The following COG6 variants were observed in gnomAD, a reference collection of about 807,000 sequenced individuals.
The protein encoded by COG6 is conserved oligomeric Golgi complex subunit 6.
In COG6, 74 loss-of-function variants were observed where a neutral mutation model predicts 88.8. That is an observed-to-expected ratio of 0.83 (90% CI 0.69 to 1.01). COG6 has a LOEUF of 1.01. Among genes scored for constraint, COG6 ranks in the 50% least tolerant of loss-of-function variants. COG6 has a pLI of 0.00. For missense variants in COG6, 800 were observed against 797.9 expected (o/e 1.00, Z -0.03); for synonymous variants, 286 against 278.7 (o/e 1.03, Z -0.26).
At chr13:39,717,480 C>T (rs1593447754) in intron 13 of COG6, among the ~76,000 whole-genome samples, 1 of 1,368 alleles carries the variant, frequency 7.3e-4, no homozygotes, top group African/African-American at 8.3e-4. Flanking sequence ...ATGTTCTGTT[C>T]ATTTTTTCAA....
chr13:39,688,527 T>G (rs1467378128), intron 10 of COG6, among the ~76,000 whole-genome samples: 1 of 152,048 alleles, frequency 6.6e-6, no homozygotes, highest in Non-Finnish European at 1.5e-5. Flanking sequence ...CACACACTTT[T>G]AAGCAACGCT....
intron 17 of COG6, among the ~76,000 whole-genome samples, chr13:39,725,674 C>T (rs1879095511): frequency 8.2e-6 from 1 of 122,618 alleles, no homozygotes; most frequent in African/African-American, 2.9e-5. Flanking sequence ...ATAGAAGCAA[C>T]AGTTATAACT....
At chr13:39,670,019 T>C (rs1306357923) in intron 4 of COG6, among the ~76,000 whole-genome samples, 1 of 152,210 alleles carries the variant, frequency 6.6e-6, no homozygotes, top group Non-Finnish European at 1.5e-5. Flanking sequence ...AATAGAAATC[T>C]GTTTCTATAT....
Position 39,655,814 on chromosome 13 carries a change from A to G in COG6, c.88A>G (p.Thr30Ala). 6.2e-7 allele frequency: 1 copy of G among 1,600,864 alleles called. No homozygotes were observed. Among genetic ancestry groups the G allele is most frequent in the Non-Finnish European group, 8.5e-7 (1 of 1,174,456 alleles). ...CAATGGGGCAGGCGGGACCTCGGCG[A>G]CGACCTGCAACCCGCTGTCGCGCAA... is the stretch of plus-strand genomic sequence containing the variant. Reference protein sequence around the residue: ...LNNGAGGTSATTCNPLSRKLH... With the variant: ...LNNGAGGTSAATCNPLSRKLH... Residue 30 changes from threonine to alanine, a missense_variant, in exon 1 of 19, where the codon ACG becomes GCG. Thr to Ala is a moderately conservative substitution (Grantham distance 58). Coordinates refer to ENST00000455146, the MANE Select transcript of COG6 (RefSeq NM_020751.3).
intron 4 of COG6, among the ~76,000 whole-genome samples, chr13:39,675,030 C>T (rs1875882702): frequency 6.6e-6 from 1 of 152,086 alleles, no homozygotes; most frequent in Non-Finnish European, 1.5e-5. Flanking sequence ...TTTGTTAGTA[C>T]ATATAGATCT....
rs139859015 is a variant in COG6 at position 39,749,399 on chromosome 13, T to C, written c.1827-1547T>C. ...CATGAACAACATGTATTTCTGTAAT[T>C]CTAAACAATTTTTTAAGTACATTTT... is the stretch of plus-strand genomic sequence containing the variant. On this transcript the variant is annotated intron_variant, in intron 18 of 18. Coordinates refer to ENST00000455146, the MANE Select transcript of COG6 (RefSeq NM_020751.3). 3.9e-4 allele frequency among the ~76,000 whole-genome samples: 59 copies of C among 152,342 alleles called. 1 individual carries two copies. Among genetic ancestry groups the C allele is most frequent in the African/African-American group, 1.4e-3 (57 of 41,576 alleles).
At position 39,659,346 on chromosome 13, in the gene COG6, C is replaced by A; in HGVS notation, c.154-18C>A. 6.2e-7 allele frequency: 1 copy of A among 1,611,842 alleles called. No individual in the cohort carries two copies. The highest frequency in any genetic ancestry group is 8.5e-7 in the Non-Finnish European group (1 of 1,178,384). ...AAAAATTAGTTCCAGTAACTGTCTT[C>A]TGTTACCAATTGTATAGGAGATGTT... On this transcript the variant is annotated intron_variant, in intron 1 of 18. Coordinates refer to ENST00000455146, the MANE Select transcript of COG6 (RefSeq NM_020751.3).
At chr13:39,725,550 C>T (rs1480803978) in intron 17 of COG6, among the ~76,000 whole-genome samples, 2 of 151,706 alleles carry the variant, frequency 1.3e-5, no homozygotes, top group Non-Finnish European at 3.0e-5. Context: ...CATAAGATAC[C>T]TAACAAATGC....
intron 18 of COG6, among the ~76,000 whole-genome samples, chr13:39,739,657 A>G (rs1879946542): frequency 6.6e-6 from 1 of 152,128 alleles, no homozygotes; most frequent in Admixed American, 6.5e-5. Flanking sequence ...CCATGACACT[A>G]TGTTGGAATA....
intron 13 of COG6, among the ~76,000 whole-genome samples, chr13:39,703,502 C>T (rs1029917004): frequency 3.9e-5 from 6 of 152,232 alleles, no homozygotes; most frequent in Non-Finnish European, 7.4e-5. Flanking sequence ...ATTTTCTCCA[C>T]GTTATCATTT....
At chr13:39,660,179 AT>A (rs1874807244) in intron 2 of COG6, among the ~76,000 whole-genome samples, 2 of 152,024 alleles carry the variant, frequency 1.3e-5, no homozygotes, top group Admixed American at 1.3e-4. Flanking sequence ...TTTGGAAAGG[AT>A]TTTTTTAAAA....
At chr13:39,665,294 AT>A in intron 4 of COG6, 140 bp downstream of exon 4, 1 of 613,638 alleles carries the variant, frequency 1.6e-6, no homozygotes, top group Non-Finnish European at 2.9e-6. Flanking sequence ...ATATTACCCA[AT>A]AGTAACTTAA....
chr13:39,749,069 ACAC>A, intron 18 of COG6, among the ~76,000 whole-genome samples: 1 of 152,300 alleles, frequency 6.6e-6, no homozygotes, highest in African/African-American at 2.4e-5. Context: ...TGACAACTTA[ACAC>A]AATATTACTA....
chr13:39,763,838 A>T (rs1320777242), intron 18 of COG6, among the ~76,000 whole-genome samples: 1 of 151,808 alleles, frequency 6.6e-6, no homozygotes, highest in Non-Finnish European at 1.5e-5. Flanking sequence ...GGATTTTTAC[A>T]TCTTTGTTCA....
At chr13:39,670,535 T>C (rs1050615251) in intron 4 of COG6, among the ~76,000 whole-genome samples, 10 of 152,200 alleles carry the variant, frequency 6.6e-5, no homozygotes, top group African/African-American at 2.2e-4. Flanking sequence ...AACCTAAGTT[T>C]CTATGTCTGA....
intron 18 of COG6, among the ~76,000 whole-genome samples, chr13:39,770,797 C>T (rs780400543): frequency 5.9e-5 from 9 of 152,168 alleles, no homozygotes; most frequent in African/African-American, 9.7e-5. Context: ...CCTAAGATCA[C>T]GGGCTTTCAT....
intron 12 of COG6, among the ~76,000 whole-genome samples, chr13:39,696,472 A>C (rs372227495): frequency 6.6e-6 from 1 of 151,832 alleles, no homozygotes; most frequent in African/African-American, 2.4e-5. Flanking sequence ...TTGAATATGG[A>C]TGTGAATAAT....
intron 8 of COG6, among the ~76,000 whole-genome samples, chr13:39,684,539 C>G (rs1245769475): frequency 6.6e-6 from 1 of 151,912 alleles, no homozygotes; most frequent in Non-Finnish European, 1.5e-5. Context: ...CGTGAGCCAC[C>G]GCGCCTGGCC....
intron 18 of COG6, 78 bp downstream of exon 18, chr13:39,727,626 T>C (rs9548899): frequency 9.5e-7 from 1 of 1,056,306 alleles, no homozygotes; most frequent in Non-Finnish European, 1.5e-6. Flanking sequence ...TGGAAAAAAA[T>C]TTATTTTCAA....
Sources: gnomAD v4.1 joint callset for allele counts (sites outside exome capture counted in the v4.1 genomes callset) on GRCh38, gnomAD v4.1.1 for gene constraint, MANE v1.5 for transcripts, NCBI Gene and HGNC (gene_info 2026-07-23, HGNC 2026-07-21) for gene names.